Variants in IFI44 observed in about 807,000 individuals in gnomAD.
IFI44 encodes the protein interferon induced protein 44.
IFI44 carries 42 observed loss-of-function variants against 45.0 expected under a neutral mutation model. That is an observed-to-expected ratio of 0.93 (90% CI 0.73 to 1.21). The LOEUF (loss-of-function observed/expected upper bound fraction) is 1.21. Ranked by LOEUF, IFI44 falls within the 50% of genes most tolerant of loss-of-function variation. The probability of loss-of-function intolerance (pLI) is 0.00; values close to 1 mark genes in which losing one functional copy is unlikely to be tolerated. For missense variants in IFI44, 623 were observed against 525.8 expected (o/e 1.18, Z -1.81); for synonymous variants, 221 against 188.6 (o/e 1.17, Z -1.41).
At position 78,654,998 on chromosome 1, in the gene IFI44, G is replaced by T. The variant is rs41412546; in HGVS notation, c.495-16G>T. 1.3e-6 allele frequency: 2 copies of T among 1,530,168 alleles called. No homozygotes were observed. Among genetic ancestry groups the T allele is most frequent in the Non-Finnish European group, 8.8e-7 (1 of 1,136,688 alleles). The allele number at this position is 1,530,168 out of a possible 1,614,324, so 94.8% of individuals were successfully genotyped here. A position where few individuals can be genotyped will look rare whatever the true frequency, so the allele number is the denominator to read the frequency against. ...CTAACCTCAGTCAATTGTTAAAAACGGTCATGTCTAAACAGGCTCAGGAAG... is the reference window on the plus strand; with the variant it reads ...CTAACCTCAGTCAATTGTTAAAAACTGTCATGTCTAAACAGGCTCAGGAAG... On this transcript the variant is annotated splice_polypyrimidine_tract_variant and intron_variant, in intron 3 of 8. Transcript: ENST00000370747.
rs370931844 is a variant in IFI44 at position 78,663,651 on chromosome 1, G to A, written c.1289-114G>A. The A allele has an allele frequency of 1.4e-3, 2,051 of 1,481,242 alleles. 21 individuals carry two copies. The highest frequency in any genetic ancestry group is 0.013 in the South Asian group (940 of 69,676). 91.8% of individuals were successfully genotyped at this position (1,481,242 alleles called of 1,614,324 possible). On this transcript the variant is annotated intron_variant, in intron 8 of 8. Coordinates refer to ENST00000370747, the MANE Select transcript of IFI44 (RefSeq NM_006417.5). ...CCATCCCTTCTCTTCCTCATGGTAC[G>A]TGTGCTCCTAATATTAGCGTTGGTT...
intron 5 of IFI44, among the ~76,000 whole-genome samples, chr1:78,657,517 C>A (rs1647245347): frequency 6.6e-6 from 1 of 152,040 alleles, no homozygotes; most frequent in South Asian, 2.1e-4. Flanking sequence ...GGATTTATCC[C>A]TTTTCTAATA....
At chr1:78,650,952 G>A (rs1189321149) in intron 2 of IFI44, among the ~76,000 whole-genome samples, 5 of 152,146 alleles carry the variant, frequency 3.3e-5, no homozygotes, top group Admixed American at 1.3e-4. Flanking sequence ...AACTTACAAC[G>A]AAACCAGTTT....
In IFI44 at chr1:78,655,191, A is replaced by G. The variant is rs772975173; in HGVS notation, c.672A>G (p.Thr224=). The G allele has an allele frequency of 1.9e-6, 3 of 1,613,452 alleles. No individual in the cohort carries two copies. Reference sequence around the variant, plus strand: ...ATCAGGCTTTGGTGGGCACTAATACAACTGGGATATCTGAGAAGGTAAGCA... The same window carrying G: ...ATCAGGCTTTGGTGGGCACTAATACGACTGGGATATCTGAGAAGGTAAGCA... The part of the protein sequence containing the change: ...VTHQALVGTN[T]TGISEKYRTY... The change falls in exon 4 of 9, where the codon ACA becomes ACG. Residue 224 remains threonine (T), a synonymous_variant. Transcript: ENST00000370747.
At chr1:78,663,334 A>C in intron 8 of IFI44, 1 of 985,250 alleles carries the variant, frequency 1.0e-6, no homozygotes, top group South Asian at 4.7e-5. Context: ...CCTTCATCTT[A>C]GTCCCTCTTC....
chr1:78,663,754 T>A lies in IFI44; in HGVS notation c.1289-11T>A. 1 of 1,611,498 alleles carries A rather than the reference T, an allele frequency of 6.2e-7. No homozygotes were observed. The highest frequency in any genetic ancestry group is 8.5e-7 in the Non-Finnish European group (1 of 1,179,168). On this transcript the variant is annotated splice_polypyrimidine_tract_variant and intron_variant, in intron 8 of 8. Coordinates refer to ENST00000370747, the MANE Select transcript of IFI44 (RefSeq NM_006417.5). ...TAATCCACTAAGAATATTTTGTGTT[T>A]CTTTTCTCAGGGAATCTAAGGGAGG...
chr1:78,651,221 A>G (rs994068546), intron 2 of IFI44, among the ~76,000 whole-genome samples: 1 of 152,202 alleles, frequency 6.6e-6, no homozygotes, highest in East Asian at 1.9e-4. Flanking sequence ...GTTGTAATAT[A>G]CAATGAAATA....
At chr1:78,663,266 G>T in intron 8 of IFI44, 1 of 985,144 alleles carries the variant, frequency 1.0e-6, no homozygotes, top group Non-Finnish European at 1.2e-6. Context: ...TTGATTATTT[G>T]CCCCTTCCTT....
intron 6 of IFI44, 65 bp downstream of exon 6, chr1:78,659,548 G>C: frequency 7.6e-7 from 1 of 1,311,900 alleles, no homozygotes; most frequent in Non-Finnish European, 1.1e-6. Flanking sequence ...CTGTATTTTA[G>C]AATGCTTTTT....
In IFI44 at chr1:78,660,634, T is replaced by C; in HGVS notation, c.1093T>C (p.Cys365Arg). The change falls in exon 7 of 9, where the codon TGT (cysteine) becomes CGT (arginine). Residue 365 changes from cysteine to arginine, a missense_variant. Cys to Arg is a radical substitution (Grantham distance 180). Coordinates refer to ENST00000370747, the MANE Select transcript of IFI44 (RefSeq NM_006417.5). Reference protein sequence around the residue: ...TKGDLIEIERCEPVRSKLEEV... With the variant: ...TKGDLIEIERREPVRSKLEEV... ...AGGTGACCTTATAGAAATAGAGAGA[T>C]GTGAGCCTGTGAGGTCCAAGGTAAT... 1 of 1,611,548 alleles carries C rather than the reference T, an allele frequency of 6.2e-7. No homozygotes were observed. Among genetic ancestry groups the C allele is most frequent in the Non-Finnish European group, 8.5e-7 (1 of 1,177,818 alleles).
intron 2 of IFI44, among the ~76,000 whole-genome samples, chr1:78,650,968 C>T (rs1054481071): frequency 2.6e-5 from 4 of 152,046 alleles, no homozygotes; most frequent in African/African-American, 9.7e-5. Flanking sequence ...AGTTTATTTC[C>T]CTCATCATTA....
chr1:78,656,780 A>C (rs576971495), intron 5 of IFI44, among the ~76,000 whole-genome samples: 1 of 149,626 alleles, frequency 6.7e-6, no homozygotes, highest in African/African-American at 2.5e-5. Flanking sequence ...GTGCCTATTA[A>C]AAAACACAGC....
At chr1:78,661,585 G>A (rs770999978) in intron 7 of IFI44, among the ~76,000 whole-genome samples, 6 of 151,946 alleles carry the variant, frequency 3.9e-5, no homozygotes, top group Admixed American at 1.3e-4. Flanking sequence ...AAATTCCCCC[G>A]CACTAAAAAT....
At chr1:78,662,925 G>A in intron 8 of IFI44, 47 bp downstream of exon 8, 1 of 1,612,496 alleles carries the variant, frequency 6.2e-7, no homozygotes, top group African/African-American at 1.3e-5. Context: ...CAGGTAGTTG[G>A]CTACTTTCTG....
At chr1:78,654,329 T>C (rs763868359) in intron 3 of IFI44, 50 bp downstream of exon 3, 1 of 952,664 alleles carries the variant, frequency 1.0e-6, no homozygotes. Context: ...ATCTTTGACT[T>C]ATTCTATGAT....
Position 78,659,355 on chromosome 1 carries a change from T to C in IFI44, c.884T>C (p.Ile295Thr), listed in dbSNP as rs778780249. Residue 295 changes from isoleucine to threonine, a missense_variant, in exon 6 of 9, where the codon ATT becomes ACT. Physicochemically the swap from Ile to Thr is moderately conservative, Grantham distance 89. Transcript: ENST00000370747. ...ESIKLNHHDY[I>T]DSPSLKDRIH... ...ATCAAATTAAATCATCATGACTACA[T>C]TGATTCCCCATCGCTGAAGGACAGA... The C allele has an allele frequency of 3.7e-6, 6 of 1,613,488 alleles. No individual in the cohort carries two copies. The South Asian group carries it at 5.5e-5, about 15-fold the overall frequency.
chr1:78,650,508 G>A lies in IFI44; in HGVS notation c.313G>A (p.Val105Ile). 1 of 1,613,932 alleles carries A rather than the reference G, an allele frequency of 6.2e-7. No homozygotes were observed. Among genetic ancestry groups the A allele is most frequent in the Non-Finnish European group, 8.5e-7 (1 of 1,179,836 alleles). The part of the protein sequence containing the change: ...CTPETLFCCD[V>I]TKYNSPTNFQ... ...ACCAGAAACACTGTTTTGTTGTGAT[G>A]TTACAAAATATAACTCCCCAACTAA... Residue 105 changes from valine to isoleucine, a missense_variant, in exon 2 of 9, where the codon GTT becomes ATT. Coordinates refer to ENST00000370747, the MANE Select transcript of IFI44 (RefSeq NM_006417.5).
At position 78,650,217 on chromosome 1, in the gene IFI44, A is replaced by G; in HGVS notation, c.22A>G (p.Thr8Ala). 6.2e-7 allele frequency: 1 copy of G among 1,605,372 alleles called. No homozygotes were observed. Among genetic ancestry groups the G allele is most frequent in the Non-Finnish European group, 8.5e-7 (1 of 1,172,766 alleles). Residue 8 changes from threonine (T) to alanine (A), a missense_variant, in exon 2 of 9, where the codon ACA becomes GCA. Thr to Ala is a moderately conservative substitution (Grantham distance 58). Transcript: ENST00000370747. MAVTTRL[T>A]WLHEKILQNH... ...AAGTATGGCAGTGACAACTCGTTTG[A>G]CATGGTTGCACGAAAAGATCCTGCA...
chr1:78,654,215 C>T (rs1414190948), intron 2 of IFI44, 28 bp from the exon 3 acceptor site: 2 of 1,289,514 alleles, frequency 1.6e-6, no homozygotes, highest in Admixed American at 3.4e-5. Context: ...AACTTCTAAT[C>T]TACATTATTC....
Sources: allele counts gnomAD v4.1 joint callset (sites outside exome capture counted in the v4.1 genomes callset), GRCh38; gene constraint gnomAD v4.1.1; transcripts MANE v1.5; gene names NCBI Gene and HGNC (gene_info 2026-07-23, HGNC 2026-07-21).